The following TMEM135 variants were observed in gnomAD, a reference collection of about 807,000 sequenced individuals.
TMEM135 encodes the protein transmembrane protein 135, also known as peroxisomal membrane protein 52.
A neutral mutation model predicts 60.3 loss-of-function variants in TMEM135; 30 were observed. The observed-to-expected ratio is 0.50, with a 90% CI of 0.37 to 0.68. The LOEUF is 0.68. TMEM135 is among the 30% of genes least tolerant of loss of function. The pLI, the probability that TMEM135 is intolerant of heterozygous loss-of-function variation, is 0.00. For missense variants in TMEM135, 468 were observed against 548.8 expected (o/e 0.85, Z 1.47); for synonymous variants, 190 against 186.7 (o/e 1.02, Z -0.14).
intron 3 of TMEM135, among the ~76,000 whole-genome samples, chr11:87,079,595 C>G (rs1176915618): frequency 6.6e-6 from 1 of 151,426 alleles, no homozygotes; most frequent in Non-Finnish European, 1.5e-5. Flanking sequence ...CTTTTCCAAT[C>G]TGTATGTCCT....
At chr11:87,172,814 A>G (rs1939274833) in intron 5 of TMEM135, among the ~76,000 whole-genome samples, 1 of 151,964 alleles carries the variant, frequency 6.6e-6, no homozygotes, top group South Asian at 2.1e-4. Context: ...TAATACAGTG[A>G]TAATTATTTT....
At chr11:87,045,424 T>C (rs962357458) in intron 1 of TMEM135, among the ~76,000 whole-genome samples, 4 of 151,726 alleles carry the variant, frequency 2.6e-5, no homozygotes, top group Middle Eastern at 3.2e-3. Context: ...AGTTGAGAGG[T>C]AAGGGCTTAG....
chr11:87,065,185 T>C (rs964605811), intron 1 of TMEM135, among the ~76,000 whole-genome samples: 1 of 152,214 alleles, frequency 6.6e-6, no homozygotes, highest in Non-Finnish European at 1.5e-5. Context: ...GCATATGTTT[T>C]TATTTCTCAG....
chr11:87,038,503 T>G lies in TMEM135; in HGVS notation c.141+317T>G, dbSNP rs534395994. Reference sequence around the variant, plus strand: ...AAAAACGTTAATTCAAAGACCAGCCTTATTTTCCTCTGGCCTGCCTTGTGA... The same window carrying G: ...AAAAACGTTAATTCAAAGACCAGCCGTATTTTCCTCTGGCCTGCCTTGTGA... On this transcript the variant is annotated intron_variant, in intron 1 of 14. Transcript: ENST00000305494. Among the ~76,000 whole-genome samples the G allele has an allele frequency of 2.6e-5, 4 of 152,156 alleles. No individual in the cohort carries two copies. In the South Asian group the frequency reaches 8.3e-4, roughly 32 times the overall value.
At chr11:87,237,762 T>C (rs538436331) in intron 6 of TMEM135, among the ~76,000 whole-genome samples, 8 of 151,780 alleles carry the variant, frequency 5.3e-5, no homozygotes, top group Non-Finnish European at 1.0e-4. Context: ...AAATAGTAGG[T>C]CTCATTCTTT....
chr11:87,259,833 G>A (rs764020604), intron 6 of TMEM135, among the ~76,000 whole-genome samples: 17 of 152,286 alleles, frequency 1.1e-4, no homozygotes, highest in Non-Finnish European at 2.2e-4. Flanking sequence ...TCTGTCTAGC[G>A]TCTTCCCTAG....
intron 5 of TMEM135, among the ~76,000 whole-genome samples, chr11:87,169,511 T>A (rs1362084965): frequency 6.6e-6 from 1 of 151,952 alleles, no homozygotes; most frequent in East Asian, 1.9e-4. Flanking sequence ...TGACAAAATC[T>A]CTTAGCATTT....
chr11:87,283,727 G>T (rs975483884), intron 6 of TMEM135, among the ~76,000 whole-genome samples: 1 of 151,630 alleles, frequency 6.6e-6, no homozygotes, highest in Non-Finnish European at 1.5e-5. Context: ...GCGTGGTGGC[G>T]GGCGCCTGTA....
At chr11:87,047,905 A>C (rs1949813748) in intron 1 of TMEM135, among the ~76,000 whole-genome samples, 1 of 115,056 alleles carries the variant, frequency 8.7e-6, no homozygotes, top group Non-Finnish European at 1.8e-5. Context: ...CTGCAGACTT[A>C]AGTGTCCCTG....
chr11:87,162,923 T>C (rs934771528), intron 5 of TMEM135, among the ~76,000 whole-genome samples: 1 of 152,214 alleles, frequency 6.6e-6, no homozygotes, highest in Non-Finnish European at 1.5e-5. Flanking sequence ...CTAACTGGCG[T>C]AAGATGGTAT....
intron 5 of TMEM135, among the ~76,000 whole-genome samples, chr11:87,225,239 C>G (rs1466955849): frequency 2.0e-5 from 3 of 152,068 alleles, no homozygotes; most frequent in Admixed American, 6.5e-5. Flanking sequence ...TACCTGGTTT[C>G]AAAACCTGGC....
At position 87,162,360 on chromosome 11, in the gene TMEM135, A is replaced by G. The variant is rs546949925; in HGVS notation, c.462+4954A>G. Among the ~76,000 whole-genome samples, 141 of 152,166 alleles carry G rather than the reference A, an allele frequency of 9.3e-4. 1 individual carries two copies. The highest frequency in any genetic ancestry group is 3.3e-3 in the African/African-American group (139 of 41,516). ...TACATTAGTTATTTCTTCTAATGCTATCCCTCCCCTAGCCCTCCAACGCCC... is the reference window on the plus strand; with the variant it reads ...TACATTAGTTATTTCTTCTAATGCTGTCCCTCCCCTAGCCCTCCAACGCCC... On this transcript the variant is annotated intron_variant, in intron 5 of 14. Transcript: ENST00000305494.
At chr11:87,316,623 T>C (rs1942735543) in intron 12 of TMEM135, among the ~76,000 whole-genome samples, 1 of 151,988 alleles carries the variant, frequency 6.6e-6, no homozygotes, top group Admixed American at 6.6e-5. Flanking sequence ...TGGTGTATGT[T>C]TAAGAGTAGA....
chr11:87,218,460 C>T (rs941703152), intron 5 of TMEM135, among the ~76,000 whole-genome samples: 1 of 152,202 alleles, frequency 6.6e-6, no homozygotes, highest in African/African-American at 2.4e-5. Context: ...TTCTTGGTCT[C>T]ATCAGGCTTA....
At chr11:87,165,750 C>T (rs982059785) in intron 5 of TMEM135, among the ~76,000 whole-genome samples, 1 of 150,836 alleles carries the variant, frequency 6.6e-6, no homozygotes. Context: ...CAGAGCAGAA[C>T]TGAAGGAAAT....
intron 4 of TMEM135, among the ~76,000 whole-genome samples, chr11:87,135,927 A>G (rs1340468819): frequency 6.6e-6 from 1 of 151,962 alleles, no homozygotes; most frequent in Non-Finnish European, 1.5e-5. Flanking sequence ...CAGTGTTTTT[A>G]CTTTTCAGTG....
At chr11:87,248,835 C>T (rs191314291) in intron 6 of TMEM135, among the ~76,000 whole-genome samples, 11 of 151,868 alleles carry the variant, frequency 7.2e-5, no homozygotes, top group Non-Finnish European at 1.0e-4. Context: ...CCATTTCTTT[C>T]GTTAATTCCT....
chr11:87,147,475 A>G (rs1053237651), intron 4 of TMEM135, among the ~76,000 whole-genome samples: 7 of 151,960 alleles, frequency 4.6e-5, no homozygotes, highest in Non-Finnish European at 1.0e-4. Flanking sequence ...AGCTGGGACT[A>G]TAGGCATGTG....
At chr11:87,141,889 C>T (rs1485351716) in intron 4 of TMEM135, among the ~76,000 whole-genome samples, 1 of 152,118 alleles carries the variant, frequency 6.6e-6, no homozygotes, top group Admixed American at 6.6e-5. Flanking sequence ...TATACAGCAG[C>T]AGTCTTTTAT....
Sources: gnomAD v4.1 joint callset for allele counts (sites outside exome capture counted in the v4.1 genomes callset) on GRCh38, gnomAD v4.1.1 for gene constraint, MANE v1.5 for transcripts, NCBI Gene and HGNC (gene_info 2026-07-23, HGNC 2026-07-21) for gene names.